RAB17: variants seen among roughly 807,000 people sequenced by gnomAD.
RAB17 encodes the protein RAB17, member RAS oncogene family, also known as ras-related protein Rab-17.
A neutral mutation model predicts 19.3 loss-of-function variants in RAB17; 15 were observed. The ratio of observed to expected loss-of-function variants is 0.78; its 90% CI spans 0.52 to 1.20. The LOEUF is 1.20. Among genes scored for constraint, RAB17 ranks in the 50% most tolerant of loss-of-function variants. The probability of loss-of-function intolerance (pLI) is 0.00; values close to 1 mark genes in which losing one functional copy is unlikely to be tolerated. For missense variants in RAB17, 262 were observed against 269.3 expected (o/e 0.97, Z 0.19); for synonymous variants, 110 against 112.8 (o/e 0.97, Z 0.16).
At chr2:237,589,831 G>GA (rs1335510465) in intron 1 of RAB17, among the ~76,000 whole-genome samples, 5 of 151,704 alleles carry the variant, frequency 3.3e-5, no homozygotes, top group East Asian at 1.9e-4. Flanking sequence ...CCACTAAAGG[G>GA]AAAAAAAACG....
chr2:237,578,942 A>ACCC (rs1454322654), intron 2 of RAB17: 5 of 121,556 alleles, frequency 4.1e-5, no homozygotes, highest in Admixed American at 3.2e-4. Context: ...CACACACACA[A>ACCC]CTACTCCCAA....
At chr2:237,585,904 T>C in intron 2 of RAB17, 94 bp downstream of exon 2, 1 of 1,344,434 alleles carries the variant, frequency 7.4e-7, no homozygotes, top group Non-Finnish European at 1.0e-6. Flanking sequence ...TGGGGATTCC[T>C]AGGTGGGCCT....
rs199623385 is a variant in RAB17 at position 237,577,241 on chromosome 2, G to A, written c.435+16C>T. 9 of 1,607,414 alleles carry A rather than the reference G, an allele frequency of 5.6e-6. No homozygotes were observed. The Admixed American group carries it at 1.0e-4, about 18-fold the overall frequency. On this transcript the variant is annotated intron_variant, in intron 4 of 5. Coordinates refer to ENST00000264601, the MANE Select transcript of RAB17 (RefSeq NM_022449.4). ...TCCTGCTGTGGAAGAGCAGAGCAGG[G>A]TCTCCTGGGCGGTACCTGGAAGGTC... is the stretch of plus-strand genomic sequence containing the variant.
chr2:237,575,336 G>A, intron 5 of RAB17, 51 bp downstream of exon 5: 1 of 1,444,152 alleles, frequency 6.9e-7, no homozygotes, highest in Non-Finnish European at 9.6e-7. Flanking sequence ...CAGGGAAGTT[G>A]GTCAGGGACA....
In RAB17 at chr2:237,577,135, A is replaced by T. The variant is rs763121142; in HGVS notation, c.435+122T>A. The stretch of plus-strand genomic sequence containing the variant: ...TGGGCGTGTAGAGGTGTGTGTGCAC[A>T]TGTGTAAGTGTGTGCGTGTGTGGGT... On this transcript the variant is annotated intron_variant, in intron 4 of 5. Transcript: ENST00000264601. The T allele has an allele frequency of 9.3e-4, 1,126 of 1,214,296 alleles. 4 individuals are homozygous for T. The highest frequency in any genetic ancestry group is 1.2e-3 in the Non-Finnish European group (1,021 of 871,480). The allele number at this position is 1,214,296 out of a possible 1,614,324, so 75.2% of individuals were successfully genotyped here.
intron 3 of RAB17, 71 bp from the exon 4 acceptor site, chr2:237,577,453 A>T: frequency 1.3e-6 from 2 of 1,502,642 alleles, no homozygotes; most frequent in South Asian, 2.5e-5. Context: ...GGGAGGGGGA[A>T]GCCAGTGTTG....
Position 237,587,951 on chromosome 2 carries a change from G to A in RAB17, c.-3-1794C>T, listed in dbSNP as rs555574821. ...AGAATTCTGTTTTCCTTGGAGCTGG[G>A]AACAGTGTCTAGCACATAGTAAGTA... On this transcript the variant is annotated intron_variant, in intron 1 of 5. Coordinates refer to ENST00000264601, the MANE Select transcript of RAB17 (RefSeq NM_022449.4). Among the ~76,000 whole-genome samples the A allele has an allele frequency of 1.9e-4, 29 of 152,246 alleles. No individual in the cohort carries two copies. In the South Asian group the frequency reaches 3.5e-3, roughly 19 times the overall value.
rs1403675916 is a variant in RAB17, at chr2:237,574,542, A to G, written c.*477T>C. 2 of 1,550,098 alleles carry G rather than the reference A, an allele frequency of 1.3e-6. No homozygotes were observed. Among genetic ancestry groups the G allele is most frequent in the Middle Eastern group, 1.7e-4 (1 of 6,010 alleles). On this transcript the variant is annotated 3_prime_UTR_variant, in exon 6 of 6. Coordinates refer to ENST00000264601, the MANE Select transcript of RAB17 (RefSeq NM_022449.4). ...GATGTGGAAATCCTGGGCCCACCCC[A>G]CAGTCAGTCATCGCTCCATTTCTTC...
Position 237,586,127 on chromosome 2 carries a change from G to A in RAB17, c.28C>T (p.Pro10Ser), listed in dbSNP as rs746029348. ...CGGGGCTGGCTGGGGGCAGCCCTGG[G>A]CTGGGGGGTCCTGTGTGCCTGTGCC... MAQAHRTPQPRAAPSQPRVF... is the reference protein window; with the variant it reads MAQAHRTPQSRAAPSQPRVF... Residue 10 changes from proline to serine, a missense_variant, in exon 2 of 6, where the codon CCC (proline) becomes TCC (serine). Physicochemically the swap from Pro to Ser is moderately conservative, Grantham distance 74. Transcript: ENST00000264601. 2.5e-6 allele frequency: 4 copies of A among 1,608,600 alleles called. No homozygotes were observed. Among genetic ancestry groups the A allele is most frequent in the South Asian group, 2.2e-5 (2 of 90,216 alleles).
chr2:237,574,832 T>C lies in RAB17; in HGVS notation c.*187A>G, dbSNP rs2280288. Reference sequence around the variant, plus strand: ...GCACAGCACTTTCCTGGGAGCCATGTGACGCCAGATCTTCCTCTGGCAGTT... The same window carrying C: ...GCACAGCACTTTCCTGGGAGCCATGCGACGCCAGATCTTCCTCTGGCAGTT... On this transcript the variant is annotated 3_prime_UTR_variant, in exon 6 of 6. Coordinates refer to ENST00000264601, the MANE Select transcript of RAB17 (RefSeq NM_022449.4). 0.21 allele frequency: 171,470 copies of C among 827,364 alleles called. 26,811 individuals carry two copies. Among genetic ancestry groups the C allele is most frequent in the African/African-American group, 0.69 (39,451 of 56,942 alleles). 51.3% of individuals were successfully genotyped at this position (827,364 alleles called of 1,614,324 possible).
chr2:237,582,945 A>G (rs2081319443), intron 2 of RAB17, among the ~76,000 whole-genome samples: 1 of 152,208 alleles, frequency 6.6e-6, no homozygotes, highest in African/African-American at 2.4e-5. Context: ...CGTCTCTACT[A>G]AAAATACAAA....
intron 2 of RAB17, among the ~76,000 whole-genome samples, chr2:237,582,477 G>A (rs2081316249): frequency 3.3e-5 from 5 of 152,234 alleles, no homozygotes; most frequent in Admixed American, 3.3e-4. Context: ...TCCAGACGGA[G>A]GGAAGGAGTG....
intron 2 of RAB17, among the ~76,000 whole-genome samples, chr2:237,584,617 G>A (rs375727827): frequency 9.2e-5 from 14 of 152,216 alleles, no homozygotes; most frequent in African/African-American, 3.1e-4. Flanking sequence ...GCAGACCTCC[G>A]TGTCAGAGTG....
At chr2:237,581,746 C>T (rs552948309) in intron 2 of RAB17, among the ~76,000 whole-genome samples, 2 of 152,310 alleles carry the variant, frequency 1.3e-5, no homozygotes, top group South Asian at 2.1e-4. Flanking sequence ...ACGTCAGCCA[C>T]GTTCTCGATT....
chr2:237,578,870 G>A (rs1185632870), intron 2 of RAB17: 3 of 150,176 alleles, frequency 2.0e-5, no homozygotes, highest in Non-Finnish European at 4.4e-5. Flanking sequence ...GAAGGCAGGG[G>A]CTTTGTCTTA....
chr2:237,590,299 G>C (rs1382098516), intron 1 of RAB17, among the ~76,000 whole-genome samples, 168 bp downstream of exon 1: 2 of 151,992 alleles, frequency 1.3e-5, no homozygotes. Context: ...TTTGTCCTTT[G>C]ATTATACACA....
intron 4 of RAB17, 73 bp from the exon 5 acceptor site, chr2:237,575,553 C>T (rs2081255366): frequency 8.8e-7 from 1 of 1,132,936 alleles, no homozygotes; most frequent in Admixed American, 2.0e-5. Context: ...TCACTTCCAA[C>T]AGTAAGATCC....
Position 237,589,185 on chromosome 2 carries a change from A to C in RAB17, c.-4+1282T>G, listed in dbSNP as rs1394473656. Among the ~76,000 whole-genome samples, 10 of 145,370 alleles carry C rather than the reference A, an allele frequency of 6.9e-5. No homozygotes were observed. The East Asian group carries it at 1.8e-3, about 26-fold the overall frequency. On this transcript the variant is annotated intron_variant, in intron 1 of 5. Coordinates refer to ENST00000264601, the MANE Select transcript of RAB17 (RefSeq NM_022449.4). ...CAGCGAGCCAAAATCCCACCATTGC[A>C]CTCCAGCCTGGGTGACAGAGCGAGA...
rs73085786 is a variant in RAB17 at position 237,583,526 on chromosome 2, C to A, written c.157+2472G>T. Among the ~76,000 whole-genome samples, 859 of 152,340 alleles carry A rather than the reference C, an allele frequency of 5.6e-3. 7 individuals are homozygous for A. Among genetic ancestry groups the A allele is most frequent in the African/African-American group, 0.02 (819 of 41,572 alleles). On this transcript the variant is annotated intron_variant, in intron 2 of 5. Transcript: ENST00000264601. ...CCACATTTCTAACCCCGCAACCCGG[C>A]ACAGCTGCCCACACACAGAGGTGCT...
Sources: allele counts gnomAD v4.1 joint callset (sites outside exome capture counted in the v4.1 genomes callset), GRCh38; gene constraint gnomAD v4.1.1; transcripts MANE v1.5; gene names NCBI Gene and HGNC (gene_info 2026-07-23, HGNC 2026-07-21).